The following FER1L6 variants were observed in gnomAD, a reference collection of about 807,000 sequenced individuals.
The protein encoded by FER1L6 is fer-1 like family member 6, also known as fer-1-like protein 6.
Under a neutral mutation model 219.2 loss-of-function variants are expected in FER1L6, and 177 were observed. The ratio of observed to expected loss-of-function variants is 0.81; its 90% confidence interval spans 0.71 to 0.91. The LOEUF is 0.91. FER1L6 is among the 40% of genes least tolerant of loss of function. The pLI, the probability that FER1L6 is intolerant of heterozygous loss-of-function variation, is 0.00. For missense variants in FER1L6, 2,153 were observed against 2,259.9 expected (o/e 0.95, Z 0.96); for synonymous variants, 768 against 824.3 (o/e 0.93, Z 1.17).
At chr8:123,947,251 A>T (rs1469843620) in intron 1 of FER1L6, among the ~76,000 whole-genome samples, 1 of 152,128 alleles carries the variant, frequency 6.6e-6, no homozygotes, top group African/African-American at 2.4e-5. Context: ...GTCTAAAAAA[A>T]AAAAAGGTAT....
intron 26 of FER1L6, 123 bp downstream of exon 26, chr8:124,064,696 G>A (rs957765775): frequency 1.2e-6 from 1 of 823,544 alleles, no homozygotes; most frequent in African/African-American, 1.7e-5. Flanking sequence ...CTGAGTATCG[G>A]TTCATCCTTT....
At chr8:123,855,760 A>G (rs555902143) in intron 1 of FER1L6, among the ~76,000 whole-genome samples, 30 of 144,696 alleles carry the variant, frequency 2.1e-4, no homozygotes, top group African/African-American at 7.0e-4. Context: ...GTGTATATAT[A>G]TGTGTGTGTA....
intron 38 of FER1L6, 68 bp downstream of exon 38, chr8:124,101,406 G>A: frequency 7.0e-7 from 1 of 1,430,356 alleles, no homozygotes; most frequent in Non-Finnish European, 9.6e-7. Flanking sequence ...GGAGAGCTTG[G>A]TCTGATTTAG....
chr8:124,015,607 A>ATATATATATATGTATG (rs71289634), intron 15 of FER1L6, among the ~76,000 whole-genome samples: 41 of 88,598 alleles, frequency 4.6e-4, no homozygotes, highest in African/African-American at 1.7e-3. Context: ...ATATATATAT[A>ATATATATATATGTATG]TATATATATT....
intron 29 of FER1L6, 50 bp from the exon 30 acceptor site, chr8:124,070,417 A>G (rs1227575305): frequency 1.9e-6 from 3 of 1,601,962 alleles, no homozygotes; most frequent in Non-Finnish European, 2.6e-6. Context: ...CATTAAATCA[A>G]TCCTGGGCTT....
intron 9 of FER1L6, among the ~76,000 whole-genome samples, chr8:123,976,583 G>C (rs1351355367): frequency 6.6e-6 from 1 of 152,080 alleles, no homozygotes; most frequent in Non-Finnish European, 1.5e-5. Context: ...CTCTTCATTG[G>C]AGAAAATGGA....
intron 18 of FER1L6, among the ~76,000 whole-genome samples, chr8:124,024,711 A>G (rs1230553119): frequency 6.6e-6 from 1 of 152,166 alleles, no homozygotes; most frequent in Non-Finnish European, 1.5e-5. Context: ...TTGGGTAGAT[A>G]CCCAATAGTG....
intron 20 of FER1L6, among the ~76,000 whole-genome samples, chr8:124,043,246 C>T (rs758088854): frequency 1.4e-4 from 22 of 152,112 alleles, no homozygotes; most frequent in South Asian, 4.1e-4. Context: ...CTCATAACTC[C>T]GCAGGGTAGG....
At chr8:123,875,063 T>C (rs1816983267) in intron 1 of FER1L6, among the ~76,000 whole-genome samples, 2 of 151,998 alleles carry the variant, frequency 1.3e-5, no homozygotes, top group African/African-American at 4.8e-5. Context: ...GGCATGATGG[T>C]GGGCACCTGT....
In FER1L6 at chr8:124,015,571, C is replaced by CTA. The variant is rs781161909; in HGVS notation, c.1923-2013_1923-2012dup. Among the ~76,000 whole-genome samples the CTA allele has an allele frequency of 8.1e-3, 349 of 43,164 alleles. 3 individuals are homozygous for CTA. Among genetic ancestry groups the CTA allele is most frequent in the East Asian group, 0.013 (19 of 1,426 alleles). 28.3% of individuals were successfully genotyped at this position (43,164 alleles called of 152,430 possible). A position where few individuals can be genotyped will look rare whatever the true frequency, so the allele number is the denominator to read the frequency against. ...TGTTTCTTGTTTTTCATTATAAAAG[C>CTA]TATATATATATATATATATATATAT... On this transcript the variant is annotated intron_variant, in intron 15 of 40. Transcript: ENST00000522917.
rs145066640 is a variant in FER1L6, at chr8:123,893,483, G to A, written c.-8+41298G>A. Among the ~76,000 whole-genome samples the A allele has an allele frequency of 6.7e-3, 1,015 of 152,198 alleles. 7 individuals are homozygous for A. Among genetic ancestry groups the A allele is most frequent in the African/African-American group, 0.023 (950 of 41,508 alleles). On this transcript the variant is annotated intron_variant, in intron 1 of 40. Coordinates refer to ENST00000522917, the MANE Select transcript of FER1L6 (RefSeq NM_001039112.2). ...TGAACTATTTATAGTTTTGAAATAC[G>A]TTTTAAATATATTGAGTAGACAGTA...
chr8:124,027,263 T>G (rs1333121452), intron 18 of FER1L6, among the ~76,000 whole-genome samples: 4 of 152,188 alleles, frequency 2.6e-5, no homozygotes, highest in Non-Finnish European at 5.9e-5. Flanking sequence ...CATAACAGAA[T>G]TCCAGGGCCA....
intron 1 of FER1L6, among the ~76,000 whole-genome samples, chr8:123,893,478 A>G (rs921003555): frequency 6.6e-6 from 1 of 152,204 alleles, no homozygotes; most frequent in African/African-American, 2.4e-5. Context: ...ATAGTTTTGA[A>G]ATACGTTTTA....
At chr8:123,981,645 C>T (rs1050895134) in intron 11 of FER1L6, among the ~76,000 whole-genome samples, 1 of 152,116 alleles carries the variant, frequency 6.6e-6, no homozygotes. Context: ...TCACCTTAGC[C>T]TTGGAAGAGG....
intron 31 of FER1L6, 117 bp from the exon 32 acceptor site, chr8:124,076,081 C>G (rs1821272876): frequency 7.6e-7 from 1 of 1,320,348 alleles, no homozygotes; most frequent in Admixed American, 2.2e-5. Flanking sequence ...CCCGTTAAAT[C>G]AGACTATCTA....
chr8:124,024,990 C>T (rs531973843), intron 18 of FER1L6, among the ~76,000 whole-genome samples: 3 of 151,822 alleles, frequency 2.0e-5, no homozygotes, highest in African/African-American at 7.2e-5. Context: ...TGTTTGTTGG[C>T]CATTTGTATA....
intron 1 of FER1L6, among the ~76,000 whole-genome samples, chr8:123,859,369 C>A (rs1159275737): frequency 6.6e-6 from 1 of 152,154 alleles, no homozygotes; most frequent in East Asian, 1.9e-4. Context: ...TCAAGCTAAT[C>A]CATCACCTCA....
Position 124,069,365 on chromosome 8 carries a change from A to G in FER1L6, c.3724A>G (p.Lys1242Glu), listed in dbSNP as rs1488067944. 1 of 1,611,448 alleles carries G rather than the reference A, an allele frequency of 6.2e-7. No individual in the cohort carries two copies. The highest frequency in any genetic ancestry group is 1.1e-5 in the South Asian group (1 of 90,576). The change falls in exon 29 of 41, where the codon AAG becomes GAG. Residue 1242 changes from lysine to glutamate, a missense_variant. Physicochemically the swap from Lys to Glu is moderately conservative, Grantham distance 56 (BLOSUM62 1). Coordinates refer to ENST00000522917, the MANE Select transcript of FER1L6 (RefSeq NM_001039112.2). The stretch of plus-strand genomic sequence containing the variant: ...TTTCTGCTGAATATCCACAGAGGCA[A>G]AGCCAGATGAGGTAGTGGTAGATAT... ...PKGKKGNTEA[K>E]PDEVVVDIED...
At chr8:124,071,472 T>A (rs746465797) in intron 30 of FER1L6, 34 bp from the exon 31 acceptor site, 2 of 1,612,602 alleles carry the variant, frequency 1.2e-6, no homozygotes, top group Non-Finnish European at 1.7e-6. Flanking sequence ...CATATGACCA[T>A]CTCATTTCAA....
Sources: allele counts gnomAD v4.1 joint callset (sites outside exome capture counted in the v4.1 genomes callset), GRCh38; gene constraint gnomAD v4.1.1; transcripts MANE v1.5; gene names NCBI Gene and HGNC (gene_info 2026-07-23, HGNC 2026-07-21).